Variants in UMAD1 observed in about 807,000 individuals in gnomAD.
UMAD1 encodes the protein UBAP1-MVB12-associated (UMA)-domain containing protein 1.
UMAD1 carries 8 observed loss-of-function variants against 6.1 expected under a neutral mutation model. The ratio of observed to expected loss-of-function variants is 1.30; its 90% CI spans 0.76 to 2.35. The LOEUF (loss-of-function observed/expected upper bound fraction) is 2.35. Among genes scored for constraint, UMAD1 ranks in the 30% most tolerant of loss-of-function variants. The pLI is 0.00. For synonymous variants in UMAD1, 56 were observed against 31.4 expected (o/e 1.78, Z -2.61); for missense variants, 130 against 78.4 (o/e 1.66, Z -2.49).
chr7:7,817,788 A>G (rs1259653812), intron 3 of UMAD1, among the ~76,000 whole-genome samples: 1 of 152,042 alleles, frequency 6.6e-6, no homozygotes, highest in African/African-American at 2.4e-5. Context: ...GGTACTTTTT[A>G]CCTTTTAGAT....
chr7:7,791,652 C>T (rs998457428), intron 2 of UMAD1, among the ~76,000 whole-genome samples: 3 of 152,100 alleles, frequency 2.0e-5, no homozygotes, highest in Non-Finnish European at 4.4e-5. Flanking sequence ...TACAAAGTAA[C>T]AAGACTGAGA....
intron 2 of UMAD1, among the ~76,000 whole-genome samples, chr7:7,714,637 G>A (rs868465997): frequency 6.6e-6 from 1 of 152,032 alleles, no homozygotes; most frequent in East Asian, 1.9e-4. Context: ...TGGAGGTTGT[G>A]TACAATGTAT....
intron 2 of UMAD1, chr7:7,715,079 T>G (rs893546736): frequency 3.3e-5 from 5 of 152,182 alleles, no homozygotes; most frequent in Non-Finnish European, 5.9e-5. Context: ...AAAAATACTT[T>G]TTTTTAGTGT....
chr7:7,771,024 A>G (rs1193287595), intron 2 of UMAD1, among the ~76,000 whole-genome samples: 1 of 152,140 alleles, frequency 6.6e-6, no homozygotes, highest in African/African-American at 2.4e-5. Context: ...GTAACACAGG[A>G]GGTGGAGGAA....
chr7:7,748,828 A>G (rs977099294), intron 2 of UMAD1, among the ~76,000 whole-genome samples: 5 of 152,084 alleles, frequency 3.3e-5, no homozygotes, highest in Non-Finnish European at 7.4e-5. Context: ...AAAATAATGT[A>G]ATATTTATCA....
chr7:7,806,266 C>A (rs978215522), intron 3 of UMAD1, among the ~76,000 whole-genome samples: 5 of 151,286 alleles, frequency 3.3e-5, no homozygotes, highest in Non-Finnish European at 5.9e-5. Context: ...TACTTCCCCC[C>A]TCTAAAATCC....
At chr7:7,707,052 T>C (rs959536912) in intron 2 of UMAD1, among the ~76,000 whole-genome samples, 1 of 152,192 alleles carries the variant, frequency 6.6e-6, no homozygotes. Context: ...AGGACACTAA[T>C]TAATTAGCAT....
chr7:7,820,277 T>C (rs981522697), intron 3 of UMAD1, among the ~76,000 whole-genome samples: 1 of 152,146 alleles, frequency 6.6e-6, no homozygotes, highest in Non-Finnish European at 1.5e-5. Context: ...CTGACGTATT[T>C]AACTTAATTA....
At chr7:7,789,403 A>G (rs1782521458) in intron 2 of UMAD1, among the ~76,000 whole-genome samples, 1 of 149,624 alleles carries the variant, frequency 6.7e-6, no homozygotes, top group South Asian at 2.1e-4. Context: ...GAACAAAACT[A>G]AAATTGAAAA....
At chr7:7,860,889 A>T (rs1018765215) in intron 3 of UMAD1, among the ~76,000 whole-genome samples, 1 of 152,232 alleles carries the variant, frequency 6.6e-6, no homozygotes, top group Non-Finnish European at 1.5e-5. Flanking sequence ...AAAATGTGGC[A>T]TATACATACA....
chr7:7,828,843 G>A (rs1261741191), intron 3 of UMAD1, among the ~76,000 whole-genome samples: 3 of 152,172 alleles, frequency 2.0e-5, no homozygotes, highest in Admixed American at 6.5e-5. Flanking sequence ...CAAGAAAATC[G>A]ACTGGCCCAG....
intron 2 of UMAD1, among the ~76,000 whole-genome samples, chr7:7,688,660 A>G (rs1043256030): frequency 6.6e-6 from 1 of 152,122 alleles, no homozygotes; most frequent in African/African-American, 2.4e-5. Context: ...ATCACATGGT[A>G]TTTTGTAGCA....
At chr7:7,847,622 C>T (rs1171000014) in intron 3 of UMAD1, among the ~76,000 whole-genome samples, 1 of 152,088 alleles carries the variant, frequency 6.6e-6, no homozygotes, top group Non-Finnish European at 1.5e-5. Context: ...ACACTTCCCA[C>T]AGTTGGTTTC....
chr7:7,729,291 G>T (rs1212556973), intron 2 of UMAD1, among the ~76,000 whole-genome samples: 1 of 152,196 alleles, frequency 6.6e-6, no homozygotes, highest in African/African-American at 2.4e-5. Context: ...GCTAGACCTT[G>T]TAGGCACTGG....
intron 2 of UMAD1, among the ~76,000 whole-genome samples, chr7:7,797,181 A>G (rs1399840770): frequency 6.6e-6 from 1 of 152,168 alleles, no homozygotes; most frequent in Non-Finnish European, 1.5e-5. Flanking sequence ...GAGTGGAAGC[A>G]AGAGAAATGC....
intron 3 of UMAD1, among the ~76,000 whole-genome samples, chr7:7,868,943 A>T (rs544753910): frequency 2.0e-5 from 3 of 152,188 alleles, no homozygotes; most frequent in African/African-American, 7.2e-5. Context: ...AGCACTTTGT[A>T]TATATAGGTG....
intron 1 of UMAD1, among the ~76,000 whole-genome samples, chr7:7,655,015 C>T (rs1785308385): frequency 1.3e-5 from 2 of 152,038 alleles, no homozygotes; most frequent in African/African-American, 4.8e-5. Flanking sequence ...TGGGCCCACT[C>T]TATTCTAGAA....
At chr7:7,785,291 A>G (rs753206720) in intron 2 of UMAD1, among the ~76,000 whole-genome samples, 2 of 152,180 alleles carry the variant, frequency 1.3e-5, no homozygotes, top group South Asian at 4.1e-4. Flanking sequence ...TTCAATATTG[A>G]TTGTGTGTTC....
At chr7:7,644,117 T>C (rs1171997643) in intron 1 of UMAD1, among the ~76,000 whole-genome samples, 1 of 152,182 alleles carries the variant, frequency 6.6e-6, no homozygotes, top group African/African-American at 2.4e-5. Flanking sequence ...TGGAGTTTTT[T>C]CCCCCAATTT....
Sources: gnomAD v4.1 joint callset for allele counts (sites outside exome capture counted in the v4.1 genomes callset) on GRCh38, gnomAD v4.1.1 for gene constraint, MANE v1.5 for transcripts, NCBI Gene and HGNC (gene_info 2026-07-23, HGNC 2026-07-21) for gene names.